PRKCB: variants seen among roughly 807,000 people sequenced by gnomAD.
PRKCB encodes protein kinase C beta.
In PRKCB, 13 loss-of-function variants were observed where a neutral mutation model predicts 81.5. The ratio of observed to expected loss-of-function variants is 0.16; its 90% CI spans 0.10 to 0.25. The LOEUF (loss-of-function observed/expected upper bound fraction) is 0.25. Among genes scored for constraint, PRKCB ranks in the 10% least tolerant of loss-of-function variants. PRKCB has a pLI of 1.00. For missense variants in PRKCB, 509 were observed against 875.7 expected (o/e 0.58, Z 5.29); for synonymous variants, 335 against 321.4 (o/e 1.04, Z -0.45).
chr16:23,884,027 C>T (rs891254547), intron 2 of PRKCB, among the ~76,000 whole-genome samples: 6 of 152,288 alleles, frequency 3.9e-5, no homozygotes, highest in African/African-American at 1.4e-4. Context: ...TTTTACTTCC[C>T]CGCATAGCAA....
rs960481519 is a variant in PRKCB, at chr16:23,857,253, C to T, written c.205+19847C>T. On this transcript the variant is annotated intron_variant, in intron 2 of 16. Coordinates refer to ENST00000643927, the MANE Select transcript of PRKCB (RefSeq NM_002738.7). ...CGGGTGAAGTGTCAGAGAGCTGTGTCGAATGCTGGCGGAGAACTGTCCCTC... is the reference window on the plus strand; with the variant it reads ...CGGGTGAAGTGTCAGAGAGCTGTGTTGAATGCTGGCGGAGAACTGTCCCTC... Among the ~76,000 whole-genome samples the T allele has an allele frequency of 2.0e-5, 3 of 152,156 alleles. No individual in the cohort carries two copies. The East Asian group carries it at 5.8e-4, about 29-fold the overall frequency.
chr16:24,096,412 CCT>C (rs969624754), intron 7 of PRKCB, among the ~76,000 whole-genome samples: 8 of 151,860 alleles, frequency 5.3e-5, no homozygotes, highest in African/African-American at 1.9e-4. Context: ...TCATTTTCTC[CCT>C]GTTACAATTT....
At chr16:24,078,381 TC>T (rs1191227116) in intron 5 of PRKCB, among the ~76,000 whole-genome samples, 13 of 152,352 alleles carry the variant, frequency 8.5e-5, no homozygotes, top group Non-Finnish European at 1.6e-4. Context: ...ACCTCGTCTG[TC>T]CTTCTTGTTT....
At chr16:24,094,504 A>G (rs1183335854) in intron 7 of PRKCB, among the ~76,000 whole-genome samples, 1 of 152,210 alleles carries the variant, frequency 6.6e-6, no homozygotes, top group Non-Finnish European at 1.5e-5. Flanking sequence ...CGTGTCTGAC[A>G]CCTGTCATCC....
chr16:24,181,015 G>T, intron 13 of PRKCB, 87 bp downstream of exon 13: 1 of 1,513,222 alleles, frequency 6.6e-7, no homozygotes. Flanking sequence ...AGGGTTGAGG[G>T]TGGTACCTTG....
intron 3 of PRKCB, among the ~76,000 whole-genome samples, chr16:24,008,127 T>C (rs916395500): frequency 3.3e-5 from 5 of 152,248 alleles, no homozygotes; most frequent in Admixed American, 6.5e-5. Context: ...TATAATTCCA[T>C]TTCACAGATG....
chr16:24,109,587 A>G (rs1252757409), intron 7 of PRKCB, among the ~76,000 whole-genome samples: 2 of 109,408 alleles, frequency 1.8e-5, no homozygotes, highest in African/African-American at 4.9e-5. Context: ...CCTAGGTGGG[A>G]TGGCGGCCGG....
rs182125734 is a variant in PRKCB, at chr16:24,058,020, C to T, written c.529+22473C>T. Among the ~76,000 whole-genome samples the T allele has an allele frequency of 8.5e-5, 13 of 152,300 alleles. No individual in the cohort carries two copies. The East Asian group carries it at 2.5e-3, about 29-fold the overall frequency. On this transcript the variant is annotated intron_variant, in intron 5 of 16. Transcript: ENST00000643927. ...AAGAGCCTGCAGATTCTGCTTCCTT[C>T]AGCCTCTTTCCAACCTTGTTTGTTC...
chr16:24,185,934 C>T (rs550688445), intron 15 of PRKCB, among the ~76,000 whole-genome samples: 1 of 152,336 alleles, frequency 6.6e-6, no homozygotes, highest in Admixed American at 6.5e-5. Flanking sequence ...CTCAGGCTAT[C>T]TTGCCCTGCT....
chr16:24,045,182 A>G (rs551707780), intron 5 of PRKCB, among the ~76,000 whole-genome samples: 1 of 146,474 alleles, frequency 6.8e-6, no homozygotes, highest in South Asian at 2.2e-4. Flanking sequence ...CAACAACAAT[A>G]GCAGAAAAAA....
At chr16:23,898,467 C>A (rs1963415652) in intron 2 of PRKCB, among the ~76,000 whole-genome samples, 1 of 151,972 alleles carries the variant, frequency 6.6e-6, no homozygotes, top group Non-Finnish European at 1.5e-5. Flanking sequence ...ATAGAGCTTG[C>A]CATCTAGTAG....
rs77994106 is a variant in PRKCB, at chr16:24,119,014, A to G, written c.919-4821A>G. ...GTGTTAGCAGATCCCCTTCTTCAAA[A>G]GAAGCTGGGGATCTGGGTTTTCATA... On this transcript the variant is annotated intron_variant, in intron 8 of 16. Coordinates refer to ENST00000643927, the MANE Select transcript of PRKCB (RefSeq NM_002738.7). 2.7e-3 allele frequency among the ~76,000 whole-genome samples: 405 copies of G among 152,264 alleles called. 6 individuals carry two copies. In the East Asian group the frequency reaches 0.045, roughly 17 times the overall value.
intron 5 of PRKCB, among the ~76,000 whole-genome samples, chr16:24,061,602 A>G (rs1390154040): frequency 6.6e-6 from 1 of 152,214 alleles, no homozygotes; most frequent in African/African-American, 2.4e-5. Context: ...CGTTCACACA[A>G]GAACATTTGG....
In PRKCB at chr16:24,160,269, T is replaced by C. The variant is rs916392756; in HGVS notation, c.1239+5412T>C. 5.3e-5 allele frequency among the ~76,000 whole-genome samples: 8 copies of C among 151,922 alleles called. No individual in the cohort carries two copies. The East Asian group carries it at 1.4e-3, about 26-fold the overall frequency. Reference sequence around the variant, plus strand: ...GGGATATTGCAAGGATTAGATAAGATTTTATCCATGGGAATGATTATTAAA... The same window carrying C: ...GGGATATTGCAAGGATTAGATAAGACTTTATCCATGGGAATGATTATTAAA... On this transcript the variant is annotated intron_variant, in intron 10 of 16. Transcript: ENST00000643927.
intron 9 of PRKCB, among the ~76,000 whole-genome samples, chr16:24,133,921 A>T (rs113872805): frequency 0.025 from 3,650 of 146,808 alleles, 137 homozygotes; most frequent in African/African-American, 0.087. Flanking sequence ...TTTTGACAAG[A>T]GTCTCACTCT....
At chr16:24,170,230 C>T (rs926258504) in intron 10 of PRKCB, among the ~76,000 whole-genome samples, 1 of 151,846 alleles carries the variant, frequency 6.6e-6, no homozygotes, top group Non-Finnish European at 1.5e-5. Flanking sequence ...AACCTGGTAC[C>T]TAGTAGGACT....
intron 3 of PRKCB, among the ~76,000 whole-genome samples, chr16:24,009,768 C>T (rs1250520609): frequency 6.6e-6 from 1 of 151,940 alleles, no homozygotes; most frequent in African/African-American, 2.4e-5. Context: ...AATCCCAGCA[C>T]TTTGGGAGGC....
intron 2 of PRKCB, among the ~76,000 whole-genome samples, chr16:23,884,156 A>C (rs1023363705): frequency 2.6e-5 from 4 of 152,198 alleles, no homozygotes; most frequent in African/African-American, 9.7e-5. Flanking sequence ...GTTATAGATG[A>C]GGAAAGAGAG....
At position 24,009,588 on chromosome 16, in the gene PRKCB, C is replaced by T. The variant is rs571414924; in HGVS notation, c.288+20998C>T. On this transcript the variant is annotated intron_variant, in intron 3 of 16. Transcript: ENST00000643927. ...TACAGGTGGGAGCCACCACGCCCGG[C>T]CTATTTTTTTTTTTAAAAAAGACAA... is the stretch of plus-strand genomic sequence containing the variant. Among the ~76,000 whole-genome samples the T allele has an allele frequency of 4.5e-3, 602 of 135,266 alleles. 7 individuals are homozygous for T. Among genetic ancestry groups the T allele is most frequent in the African/African-American group, 0.016 (576 of 35,298 alleles). 88.7% of individuals were successfully genotyped at this position (135,266 alleles called of 152,430 possible).
Sources: gnomAD v4.1 joint callset for allele counts (sites outside exome capture counted in the v4.1 genomes callset) on GRCh38, gnomAD v4.1.1 for gene constraint, MANE v1.5 for transcripts, NCBI Gene and HGNC (gene_info 2026-07-23, HGNC 2026-07-21) for gene names.